KNL1: variants seen among roughly 807,000 people sequenced by gnomAD.
KNL1 encodes outer kinetochore KNL1 complex subunit KNL1.
KNL1 carries 66 observed loss-of-function variants against 201.3 expected under a neutral mutation model. The observed-to-expected ratio is 0.33, with a 90% confidence interval of 0.27 to 0.40. The LOEUF (loss-of-function observed/expected upper bound fraction) is 0.40. KNL1 is among the 10% of genes least tolerant of loss of function. The pLI, the probability that KNL1 is intolerant of heterozygous loss-of-function variation, is 1.00. For synonymous variants in KNL1, 895 were observed against 899.2 expected, an observed-to-expected ratio of 1.00 and a Z score of 0.08; for missense variants, 2,815 against 2,690.5, an observed-to-expected ratio of 1.05 and a Z score of -1.02.
intron 7 of KNL1, among the ~76,000 whole-genome samples, chr15:40,613,025 A>G (rs1892221474): frequency 6.6e-6 from 1 of 152,212 alleles, no homozygotes; most frequent in Non-Finnish European, 1.5e-5. Flanking sequence ...GGTTATTCAC[A>G]GCAGCGTTTA....
chr15:40,641,047 T>C lies in KNL1; in HGVS notation c.5798+20T>C. ...TGAAGAGTATGAAAGCTTTAATTTT[T>C]ATGTGTGTTTTTTTGAGGGGAGGGA... On this transcript the variant is annotated intron_variant, in intron 14 of 25. Transcript: ENST00000399668. 1.3e-6 allele frequency: 2 copies of C among 1,512,938 alleles called. No individual in the cohort carries two copies. The highest frequency in any genetic ancestry group is 1.8e-6 in the Non-Finnish European group (2 of 1,094,396). 93.7% of individuals were successfully genotyped at this position (1,512,938 alleles called of 1,614,324 possible).
chr15:40,654,439 A>G (rs1893659202), intron 21 of KNL1, among the ~76,000 whole-genome samples: 1 of 151,890 alleles, frequency 6.6e-6, no homozygotes, highest in East Asian at 1.9e-4. Context: ...GAACAGTCTC[A>G]GGGGAGCCTT....
rs1391002220 is a variant in KNL1 at position 40,663,598 on chromosome 15, C to T, written c.*1410C>T. 1 of 191,896 alleles carries T rather than the reference C, an allele frequency of 5.2e-6. No homozygotes were observed. Among genetic ancestry groups the T allele is most frequent in the South Asian group, 1.9e-4 (1 of 5,166 alleles). The allele number at this position is 191,896 out of a possible 1,614,324, so 11.9% of individuals were successfully genotyped here. A position where few individuals can be genotyped will look rare whatever the true frequency, so the allele number is the denominator to read the frequency against. On this transcript the variant is annotated 3_prime_UTR_variant, in exon 26 of 26. Coordinates refer to ENST00000399668, the MANE Select transcript of KNL1 (RefSeq NM_144508.5). Reference sequence around the variant, plus strand: ...AGTGACACGTCAAACAATGTCACATCCAAAACACTAGTTTCATCAATTTCT... The same window carrying T: ...AGTGACACGTCAAACAATGTCACATTCAAAACACTAGTTTCATCAATTTCT...
chr15:40,637,190 G>A (rs996210819), intron 13 of KNL1, among the ~76,000 whole-genome samples: 21 of 130,442 alleles, frequency 1.6e-4, no homozygotes, highest in African/African-American at 3.1e-4. Context: ...TTTTTTTTTG[G>A]TATTTAAAAA....
Position 40,625,604 on chromosome 15 carries a change from T to C in KNL1, c.5340T>C (p.Asn1780=). The C allele has an allele frequency of 6.2e-7, 1 of 1,608,078 alleles. No homozygotes were observed. The highest frequency in any genetic ancestry group is 8.5e-7 in the Non-Finnish European group (1 of 1,177,696). ...DIHKEKKIRK[N]EIKFSDTTQD... ...ATAAGGAGAAAAAAATCAGAAAAAA[T>C]GAGATTAAGTTTAGTGATACGACAC... Residue 1780 remains asparagine (N), a synonymous_variant, in exon 10 of 26, where the codon AAT becomes AAC. Transcript: ENST00000399668.
chr15:40,661,534 A>G (rs1011073388), intron 25 of KNL1, among the ~76,000 whole-genome samples: 8 of 152,152 alleles, frequency 5.3e-5, no homozygotes, highest in African/African-American at 1.7e-4. Flanking sequence ...GTCAGCAAAC[A>G]CCAAGACTAA....
chr15:40,656,986 A>G (rs1893752665), intron 22 of KNL1, 56 bp from the exon 23 acceptor site: 1 of 754,758 alleles, frequency 1.3e-6, no homozygotes, highest in Admixed American at 2.9e-5. Context: ...TCACTTATAT[A>G]AAATATATGA....
rs996693455 is a variant in KNL1, at chr15:40,635,386, C to T, written c.5683-5526C>T. On this transcript the variant is annotated intron_variant, in intron 13 of 25. Coordinates refer to ENST00000399668, the MANE Select transcript of KNL1 (RefSeq NM_144508.5). ...ATTTGTTTTTTGAGATGGAATTTCA[C>T]TCTTCTTGCCCAGGCTGGAGTGCGG... Among the ~76,000 whole-genome samples, 33 of 149,574 alleles carry T rather than the reference C, an allele frequency of 2.2e-4. 1 individual carries two copies. The South Asian group carries it at 4.9e-3, about 22-fold the overall frequency.
At chr15:40,656,712 C>T (rs924773946) in intron 22 of KNL1, among the ~76,000 whole-genome samples, 1 of 151,834 alleles carries the variant, frequency 6.6e-6, no homozygotes, top group Non-Finnish European at 1.5e-5. Context: ...ATGGTGAAGC[C>T]CCCTCTCTAC....
At chr15:40,609,486 G>A (rs988716624) in intron 5 of KNL1, among the ~76,000 whole-genome samples, 77 of 152,226 alleles carry the variant, frequency 5.1e-4, no homozygotes, top group African/African-American at 1.6e-3. Context: ...TGAACTGGTC[G>A]GATTCAAGGC....
At chr15:40,638,664 G>A (rs1267179008) in intron 13 of KNL1, among the ~76,000 whole-genome samples, 2 of 149,694 alleles carry the variant, frequency 1.3e-5, no homozygotes, top group Non-Finnish European at 3.0e-5. Flanking sequence ...GCTAATTTTT[G>A]TATTTTTTAG....
At chr15:40,651,253 A>G (rs1448144816) in intron 19 of KNL1, among the ~76,000 whole-genome samples, 2 of 150,268 alleles carry the variant, frequency 1.3e-5, no homozygotes, top group Non-Finnish European at 3.0e-5. Flanking sequence ...ACAATGATTT[A>G]TGCCTTTCCC....
chr15:40,597,071 A>G (rs1241992647), intron 1 of KNL1, among the ~76,000 whole-genome samples: 1 of 150,714 alleles, frequency 6.6e-6, no homozygotes, highest in Non-Finnish European at 1.5e-5. Context: ...CTTTACAGTG[A>G]TGTTATTAAA....
chr15:40,631,059 A>G (rs913316232), intron 13 of KNL1, among the ~76,000 whole-genome samples: 1 of 152,212 alleles, frequency 6.6e-6, no homozygotes, highest in African/African-American at 2.4e-5. Flanking sequence ...TGAAGGTTGC[A>G]TTAAGCCAAG....
At chr15:40,645,152 A>T (rs1893348036) in intron 15 of KNL1, 65 bp downstream of exon 15, 1 of 1,081,094 alleles carries the variant, frequency 9.2e-7, no homozygotes, top group Non-Finnish European at 1.4e-6. Context: ...TTATTGTGAA[A>T]TGAGTAACTG....
chr15:40,618,830 G>A (rs1171094754), intron 8 of KNL1, 129 bp from the exon 9 acceptor site: 8 of 547,880 alleles, frequency 1.5e-5, no homozygotes, highest in South Asian at 2.9e-5. Flanking sequence ...AATTTAATAC[G>A]TAAGTTCTTA....
intron 1 of KNL1, among the ~76,000 whole-genome samples, chr15:40,600,963 T>A: frequency 6.6e-6 from 1 of 152,234 alleles, no homozygotes; most frequent in East Asian, 1.9e-4. Context: ...GCTGAGTACT[T>A]ATCGTTGACT....
rs751226116 is a variant in KNL1 at position 40,623,291 on chromosome 15, A to G, written c.3027A>G (p.Val1009=). Residue 1009 remains valine (V), a synonymous_variant, in exon 10 of 26, where the codon GTA becomes GTG. Coordinates refer to ENST00000399668, the MANE Select transcript of KNL1 (RefSeq NM_144508.5). ...FPGNGESDRL[V]ANDSQLTPLE... is the part of the protein sequence containing the mutation. ...GAAATGGTGAAAGTGACCGTCTAGT[A>G]GCAAATGACAGCCAGCTAACCCCTC... 1.2e-6 allele frequency: 2 copies of G among 1,613,968 alleles called. No homozygotes were observed. The highest frequency in any genetic ancestry group is 2.2e-5 in the South Asian group (2 of 91,070).
Position 40,627,124 on chromosome 15 carries a change from A to G in KNL1, c.5377-946A>G, listed in dbSNP as rs574082546. ...TGGCCAGGCTGGTCTTAAACTCCTGATCTCAAGTGATCCACCTTCCTTAGC... is the reference window on the plus strand; with the variant it reads ...TGGCCAGGCTGGTCTTAAACTCCTGGTCTCAAGTGATCCACCTTCCTTAGC... On this transcript the variant is annotated intron_variant, in intron 10 of 25. Coordinates refer to ENST00000399668, the MANE Select transcript of KNL1 (RefSeq NM_144508.5). Among the ~76,000 whole-genome samples, 10 of 152,266 alleles carry G rather than the reference A, an allele frequency of 6.6e-5. No homozygotes were observed. The East Asian group carries it at 1.7e-3, about 27-fold the overall frequency.
Sources: gnomAD v4.1 joint callset for allele counts (sites outside exome capture counted in the v4.1 genomes callset) on GRCh38, gnomAD v4.1.1 for gene constraint, MANE v1.5 for transcripts, NCBI Gene and HGNC (gene_info 2026-07-23, HGNC 2026-07-21) for gene names.